PARD3: variants seen among roughly 807,000 people sequenced by gnomAD.
PARD3 encodes the protein par-3 family cell polarity regulator.
PARD3 carries 75 observed loss-of-function variants against 155.4 expected under a neutral mutation model. The ratio of observed to expected loss-of-function variants is 0.48; its 90% CI spans 0.40 to 0.58. PARD3 has a LOEUF of 0.58. PARD3 is among the 20% of genes least tolerant of loss of function. PARD3 has a pLI of 0.00. For missense variants in PARD3, 1,642 were observed against 1,721.7 expected (o/e 0.95, Z 0.82); for synonymous variants, 576 against 610.5 (o/e 0.94, Z 0.83).
intron 2 of PARD3, among the ~76,000 whole-genome samples, chr10:34,551,660 G>T (rs994576758): frequency 6.6e-6 from 1 of 152,174 alleles, no homozygotes; most frequent in Non-Finnish European, 1.5e-5. Flanking sequence ...GAGGCAGAAG[G>T]TTTCCCCAGC....
At chr10:34,744,532 T>A (rs947959270) in intron 1 of PARD3, among the ~76,000 whole-genome samples, 1 of 152,212 alleles carries the variant, frequency 6.6e-6, no homozygotes, top group Non-Finnish European at 1.5e-5. Context: ...TAAGTGAGCA[T>A]AAACAGGCAT....
chr10:34,125,905 T>A (rs1947264137), intron 23 of PARD3, among the ~76,000 whole-genome samples: 1 of 152,252 alleles, frequency 6.6e-6, no homozygotes, highest in Non-Finnish European at 1.5e-5. Context: ...GTCTCCTTGT[T>A]GGCAACACTC....
chr10:34,708,623 C>T (rs552352052), intron 1 of PARD3, among the ~76,000 whole-genome samples: 3 of 152,162 alleles, frequency 2.0e-5, no homozygotes, highest in East Asian at 3.9e-4. Flanking sequence ...CAAATGTAAA[C>T]AACTGGTGAA....
chr10:34,658,317 A>T (rs559180923), intron 2 of PARD3, among the ~76,000 whole-genome samples: 1 of 152,352 alleles, frequency 6.6e-6, no homozygotes, highest in Non-Finnish European at 1.5e-5. Context: ...AATTCTGAAT[A>T]TCATTTAATA....
chr10:34,452,851 A>G (rs1258596987), intron 4 of PARD3, among the ~76,000 whole-genome samples: 1 of 152,200 alleles, frequency 6.6e-6, no homozygotes, highest in Admixed American at 6.5e-5. Flanking sequence ...TAAAACATTT[A>G]GAATTAGCTT....
At chr10:34,124,386 T>C (rs11815508) in intron 23 of PARD3, among the ~76,000 whole-genome samples, 2,128 of 152,302 alleles carry the variant, frequency 0.014, 47 homozygotes, top group African/African-American at 0.048. Flanking sequence ...AGTAGCAATT[T>C]AAAGATTTGG....
At chr10:34,680,464 G>C (rs2093790734) in intron 2 of PARD3, among the ~76,000 whole-genome samples, 1 of 151,848 alleles carries the variant, frequency 6.6e-6, no homozygotes, top group African/African-American at 2.4e-5. Flanking sequence ...GGAGGATGAG[G>C]CAGGAGATCA....
intron 4 of PARD3, among the ~76,000 whole-genome samples, chr10:34,467,641 G>T (rs1389515331): frequency 6.6e-6 from 1 of 151,412 alleles, no homozygotes; most frequent in South Asian, 2.1e-4. Context: ...CAGCTACTTG[G>T]GAGGCTGAGG....
intron 1 of PARD3, among the ~76,000 whole-genome samples, chr10:34,746,983 G>T (rs1412598117): frequency 6.6e-6 from 1 of 152,140 alleles, no homozygotes; most frequent in Non-Finnish European, 1.5e-5. Context: ...CTTCCCTGCG[G>T]GGATTAGAAG....
At chr10:34,805,667 C>T (rs1843289089) in intron 1 of PARD3, among the ~76,000 whole-genome samples, 1 of 151,376 alleles carries the variant, frequency 6.6e-6, no homozygotes, top group African/African-American at 2.4e-5. Flanking sequence ...TTAAAAGATA[C>T]TTACCTTGAG....
intron 20 of PARD3, 81 bp from the exon 21 acceptor site, chr10:34,284,326 T>C: frequency 5.3e-6 from 4 of 757,602 alleles, no homozygotes; most frequent in South Asian, 1.7e-5. Flanking sequence ...ATATACCCAA[T>C]GAAATGAATG....
At chr10:34,491,901 TG>T (rs1276818337) in intron 3 of PARD3, among the ~76,000 whole-genome samples, 3 of 152,054 alleles carry the variant, frequency 2.0e-5, no homozygotes, top group Non-Finnish European at 4.4e-5. Context: ...ATAGAACCAC[TG>T]GGGGGAAAAA....
intron 2 of PARD3, among the ~76,000 whole-genome samples, chr10:34,633,421 C>T (rs1404238148): frequency 2.6e-5 from 4 of 151,770 alleles, no homozygotes; most frequent in East Asian, 1.9e-4. Context: ...TCAGATTCTG[C>T]GTATCCGTGA....
At chr10:34,437,844 G>A (rs2076264318) in intron 5 of PARD3, among the ~76,000 whole-genome samples, 1 of 152,058 alleles carries the variant, frequency 6.6e-6, no homozygotes, top group Admixed American at 6.6e-5. Context: ...TGTCACTTTA[G>A]TTATATAAAC....
chr10:34,360,284 C>A, intron 12 of PARD3, 25 bp from the exon 13 acceptor site: 1 of 1,522,622 alleles, frequency 6.6e-7, no homozygotes, highest in Non-Finnish European at 9.1e-7. Flanking sequence ...AATTGCACAG[C>A]ACATTATAGT....
chr10:34,577,137 A>G (rs2086952978), intron 2 of PARD3, among the ~76,000 whole-genome samples: 1 of 152,234 alleles, frequency 6.6e-6, no homozygotes. Context: ...GACTTCAGGC[A>G]GAAAAACAAA....
At chr10:34,261,725 AAAGG>A (rs9331415) in intron 22 of PARD3, among the ~76,000 whole-genome samples, 31,729 of 107,546 alleles carry the variant, frequency 0.3, 4,050 homozygotes, top group African/African-American at 0.45. Context: ...AGAAAGGAAG[AAAGG>A]AAGGAAGAAA....
At chr10:34,177,781 CA>C (rs1950100437) in intron 22 of PARD3, among the ~76,000 whole-genome samples, 1 of 152,232 alleles carries the variant, frequency 6.6e-6, no homozygotes, top group Admixed American at 6.5e-5. Flanking sequence ...GCGAACCGCT[CA>C]TATCCGCCCT....
At chr10:34,381,990 G>C (rs1010337285) in intron 9 of PARD3, among the ~76,000 whole-genome samples, 9 of 144,846 alleles carry the variant, frequency 6.2e-5, no homozygotes, top group African/African-American at 2.3e-4. Flanking sequence ...AGAAAGGGAA[G>C]TAATGCAATA....
Sources: allele counts gnomAD v4.1 joint callset (sites outside exome capture counted in the v4.1 genomes callset), GRCh38; gene constraint gnomAD v4.1.1; transcripts MANE v1.5; gene names NCBI Gene and HGNC (gene_info 2026-07-23, HGNC 2026-07-21).